The following CTNNA1 variants were observed in gnomAD, a reference collection of about 807,000 sequenced individuals.
The protein encoded by CTNNA1 is catenin alpha-1.
A neutral mutation model predicts 98.4 loss-of-function variants in CTNNA1; 37 were observed. The observed-to-expected ratio is 0.38, with a 90% CI of 0.29 to 0.49. CTNNA1 has a LOEUF of 0.49. CTNNA1 is among the 20% of genes least tolerant of loss of function. The probability of loss-of-function intolerance (pLI) is 0.95; values close to 1 mark genes in which losing one functional copy is unlikely to be tolerated. For missense variants in CTNNA1, 761 were observed against 1,147.2 expected (o/e 0.66, Z 4.86); for synonymous variants, 404 against 413.2 (o/e 0.98, Z 0.27).
intron 9 of CTNNA1, among the ~76,000 whole-genome samples, chr5:138,891,738 G>A (rs910193175): frequency 6.6e-6 from 1 of 152,186 alleles, no homozygotes; most frequent in African/African-American, 2.4e-5. Flanking sequence ...CAGCTTGGGT[G>A]ACAGAGCGAG....
At chr5:138,897,322 A>G (rs1416180445) in intron 9 of CTNNA1, among the ~76,000 whole-genome samples, 2 of 26,164 alleles carry the variant, frequency 7.6e-5, no homozygotes, top group African/African-American at 1.6e-4. Flanking sequence ...CCCGCCCAGC[A>G]CACACAGTAT....
At chr5:138,808,202 A>C (rs1261525486) in intron 3 of CTNNA1, among the ~76,000 whole-genome samples, 1 of 152,214 alleles carries the variant, frequency 6.6e-6, no homozygotes, top group African/African-American at 2.4e-5. Flanking sequence ...GTAATACTCT[A>C]TAATTTGTGA....
At chr5:138,831,410 T>G (rs1761264584) in intron 7 of CTNNA1, among the ~76,000 whole-genome samples, 1 of 152,198 alleles carries the variant, frequency 6.6e-6, no homozygotes, top group Non-Finnish European at 1.5e-5. Context: ...CTCTGGTAGT[T>G]TATTCTGTTT....
chr5:138,845,869 C>A lies in CTNNA1; in HGVS notation c.1062+18151C>A, dbSNP rs531569307. Among the ~76,000 whole-genome samples, 59 of 152,212 alleles carry A rather than the reference C, an allele frequency of 3.9e-4. 3 individuals carry two copies. In the South Asian group the frequency reaches 0.012, roughly 31 times the overall value. ...CTTAACAGTTTAGCACTTAAATATT[C>A]ACATATAGATATAGGGTCAGGGAAT... is the stretch of plus-strand genomic sequence containing the variant. On this transcript the variant is annotated intron_variant, in intron 7 of 17. Coordinates refer to ENST00000302763, the MANE Select transcript of CTNNA1 (RefSeq NM_001903.5).
At chr5:138,926,480 C>A (rs1399976640) in intron 13 of CTNNA1, among the ~76,000 whole-genome samples, 3 of 152,168 alleles carry the variant, frequency 2.0e-5, no homozygotes, top group African/African-American at 7.2e-5. Context: ...CACCCACCCA[C>A]ACCTGTGCCC....
At chr5:138,898,169 C>A (rs1045375783) in intron 9 of CTNNA1, among the ~76,000 whole-genome samples, 2 of 146,138 alleles carry the variant, frequency 1.4e-5, no homozygotes, top group African/African-American at 2.5e-5. Context: ...CCCCCCCCCA[C>A]CCCTTCTCTT....
chr5:138,897,550 G>C (rs1757149625), intron 9 of CTNNA1, among the ~76,000 whole-genome samples: 1 of 151,990 alleles, frequency 6.6e-6, no homozygotes, highest in Admixed American at 6.6e-5. Flanking sequence ...AGTACTGTAG[G>C]CTGATATTCT....
At chr5:138,829,986 G>A (rs1402845520) in intron 7 of CTNNA1, among the ~76,000 whole-genome samples, 1 of 151,962 alleles carries the variant, frequency 6.6e-6, no homozygotes, top group Admixed American at 6.6e-5. Context: ...CTAACGTGGC[G>A]AAACCCTGTC....
chr5:138,881,162 C>T (rs988664338), intron 7 of CTNNA1: 9 of 453,932 alleles, frequency 2.0e-5, no homozygotes, highest in Non-Finnish European at 3.1e-5. Context: ...CTTGAGAGCT[C>T]GTCTTGATGC....
intron 10 of CTNNA1, among the ~76,000 whole-genome samples, chr5:138,910,720 A>G (rs998262391): frequency 4.6e-5 from 7 of 152,170 alleles, no homozygotes; most frequent in African/African-American, 1.7e-4. Context: ...CAAAGACCTG[A>G]AGGAAATGAC....
chr5:138,831,332 A>G (rs566257173), intron 7 of CTNNA1, among the ~76,000 whole-genome samples: 2 of 152,344 alleles, frequency 1.3e-5, no homozygotes, highest in South Asian at 4.1e-4. Flanking sequence ...CTGCGTCAAG[A>G]TCCAAGCGTC....
At chr5:138,812,955 C>G (rs1461548370) in intron 5 of CTNNA1, among the ~76,000 whole-genome samples, 3 of 152,236 alleles carry the variant, frequency 2.0e-5, no homozygotes, top group African/African-American at 7.2e-5. Context: ...TAGTCCTGAT[C>G]AAGCTTACGC....
chr5:138,932,709 T>C lies in CTNNA1; in HGVS notation c.2430T>C (p.Ser810=). The C allele has an allele frequency of 1.9e-6, 3 of 1,613,992 alleles. No homozygotes were observed. Among genetic ancestry groups the C allele is most frequent in the Non-Finnish European group, 2.5e-6 (3 of 1,179,982 alleles). ...ATCTCGGCGGGGAGCTTGTTGTCTC[T>C]GGGGTAAGCATTAGCTGAACAAAAA... ...VQNLGGELVV[S]GVDSAMSLIQ... is the part of the protein sequence containing the mutation. The change falls in exon 17 of 18, where the codon TCT becomes TCC. Residue 810 remains serine, a synonymous_variant. Transcript: ENST00000302763.
chr5:138,783,470 T>A, intron 3 of CTNNA1, 98 bp downstream of exon 3: 1 of 968,084 alleles, frequency 1.0e-6, no homozygotes, highest in Non-Finnish European at 1.6e-6. Context: ...ATTCTTATGC[T>A]TGCCAATTGC....
chr5:138,812,658 T>C (rs77205153), intron 5 of CTNNA1, among the ~76,000 whole-genome samples: 265 of 152,342 alleles, frequency 1.7e-3, no homozygotes, highest in African/African-American at 6.2e-3. Flanking sequence ...CATTTAAATA[T>C]ACTGGAATTA....
At chr5:138,893,581 TTTTA>T (rs1438504489) in intron 9 of CTNNA1, among the ~76,000 whole-genome samples, 10 of 151,562 alleles carry the variant, frequency 6.6e-5, no homozygotes, top group East Asian at 3.9e-4. Flanking sequence ...TTTATTTTTA[TTTTA>T]TTTATTTATT....
At chr5:138,903,702 C>T (rs935363268) in intron 9 of CTNNA1, among the ~76,000 whole-genome samples, 2 of 152,160 alleles carry the variant, frequency 1.3e-5, no homozygotes, top group African/African-American at 4.8e-5. Context: ...GAGATTCAAG[C>T]TGTCAGTGTT....
intron 3 of CTNNA1, among the ~76,000 whole-genome samples, chr5:138,808,400 A>G (rs549939037): frequency 6.6e-6 from 1 of 152,244 alleles, no homozygotes; most frequent in African/African-American, 2.4e-5. Context: ...AATGTTACGA[A>G]TCCACATAAT....
intron 9 of CTNNA1, among the ~76,000 whole-genome samples, chr5:138,901,335 T>C (rs543716001): frequency 6.6e-6 from 1 of 152,160 alleles, no homozygotes; most frequent in Non-Finnish European, 1.5e-5. Context: ...TTTTTGTATT[T>C]TTAGTAGAGG....
Sources: allele counts gnomAD v4.1 joint callset (sites outside exome capture counted in the v4.1 genomes callset), GRCh38; gene constraint gnomAD v4.1.1; transcripts MANE v1.5; gene names NCBI Gene and HGNC (gene_info 2026-07-23, HGNC 2026-07-21).